CACNA1D: variants seen among roughly 807,000 people sequenced by gnomAD.
CACNA1D encodes the protein voltage-dependent L-type calcium channel subunit alpha-1D.
In CACNA1D, 55 loss-of-function variants were observed where a neutral mutation model predicts 257.1. The observed-to-expected ratio is 0.21, with a 90% confidence interval of 0.17 to 0.27. The LOEUF (loss-of-function observed/expected upper bound fraction) is 0.27, where lower values mean the gene tolerates loss of function less well. CACNA1D is among the 10% of genes least tolerant of loss of function. The pLI is 1.00. For synonymous variants in CACNA1D, 980 were observed against 1,014.9 expected (o/e 0.97, Z 0.65); for missense variants, 1,876 against 2,784.0 (o/e 0.67, Z 7.34).
At chr3:53,577,781 C>T (rs567556352) in intron 3 of CACNA1D, among the ~76,000 whole-genome samples, 42 of 152,290 alleles carry the variant, frequency 2.8e-4, no homozygotes, top group African/African-American at 9.6e-4. Context: ...GCAGAATTCC[C>T]AGTAGATGGA....
intron 3 of CACNA1D, among the ~76,000 whole-genome samples, chr3:53,510,853 G>C (rs866503478): frequency 2.0e-5 from 3 of 152,260 alleles, no homozygotes; most frequent in Middle Eastern, 3.4e-3. Context: ...TAGATTTTAG[G>C]AATCTATTTT....
chr3:53,776,743 A>G lies in CACNA1D; in HGVS notation c.4490+13A>G. The G allele has an allele frequency of 6.2e-7, 1 of 1,614,248 alleles. No homozygotes were observed. The highest frequency in any genetic ancestry group is 1.3e-5 in the African/African-American group (1 of 75,076). On this transcript the variant is annotated intron_variant, in intron 36 of 47. Transcript: ENST00000350061. Reference sequence around the variant, plus strand: ...ACCCTGAGGCAAAGTAGGTTGAAAAATATTTGATTTGGCGTGTGTGGGTGG... The same window carrying G: ...ACCCTGAGGCAAAGTAGGTTGAAAAGTATTTGATTTGGCGTGTGTGGGTGG...
intron 3 of CACNA1D, among the ~76,000 whole-genome samples, chr3:53,557,232 A>G (rs1270442478): frequency 1.3e-5 from 2 of 152,078 alleles, no homozygotes; most frequent in African/African-American, 4.8e-5. Flanking sequence ...GTGGTGGCTC[A>G]CCGCTGTAAT....
In CACNA1D at chr3:53,751,652, G is replaced by T; in HGVS notation, c.3517-97G>T. On this transcript the variant is annotated intron_variant, in intron 27 of 47. Coordinates refer to ENST00000350061, the MANE Select transcript of CACNA1D (RefSeq NM_001128840.3). The surrounding 1 kb of genome is among the most constrained non-coding windows in gnomAD (Gnocchi z 4.3). ...ACCATCGTCCACGGCCCCTTCCCGG[G>T]AGCTGTAGGGTGAGCTCTTTCAGAG... 8.1e-7 allele frequency: 1 copy of T among 1,235,900 alleles called. No homozygotes were observed. The highest frequency in any genetic ancestry group is 1.2e-6 in the Non-Finnish European group (1 of 837,476). 76.6% of individuals were successfully genotyped at this position (1,235,900 alleles called of 1,614,324 possible).
intron 38 of CACNA1D, 103 bp downstream of exon 38, chr3:53,780,231 C>T (rs2095418828): frequency 1.1e-6 from 1 of 936,206 alleles, no homozygotes. Context: ...AAGGGGAGGC[C>T]CTGGGGAAGG....
Position 53,666,312 on chromosome 3 carries a change from G to A in CACNA1D, c.920-27G>A, listed in dbSNP as rs778862863. The A allele has an allele frequency of 5.7e-5, 91 of 1,604,692 alleles. 1 individual carries two copies. In the Middle Eastern group the frequency reaches 7.9e-4, roughly 14 times the overall value. On this transcript the variant is annotated intron_variant, in intron 6 of 47. Transcript: ENST00000350061. ...ATTTCCTGATGTTTCTGTCCTGAGC[G>A]GTACAGCCTGTTTGCTCTGTTTGCA...
chr3:53,615,435 C>T (rs1442492523), intron 3 of CACNA1D, among the ~76,000 whole-genome samples: 3 of 152,196 alleles, frequency 2.0e-5, no homozygotes, highest in Non-Finnish European at 2.9e-5. Context: ...ATTAACCCAC[C>T]CTTTCCTGCC....
intron 3 of CACNA1D, among the ~76,000 whole-genome samples, chr3:53,578,018 C>G (rs2093066762): frequency 6.6e-6 from 1 of 152,054 alleles, no homozygotes; most frequent in Non-Finnish European, 1.5e-5. Context: ...GTCATTCAGT[C>G]AAAAATTACG....
intron 3 of CACNA1D, among the ~76,000 whole-genome samples, chr3:53,601,860 G>A (rs748567440): frequency 3.3e-5 from 5 of 152,056 alleles, no homozygotes; most frequent in Non-Finnish European, 5.9e-5. Flanking sequence ...ACAGGTGCCC[G>A]CTACCATGTC....
intron 8 of CACNA1D, among the ~76,000 whole-genome samples, chr3:53,695,950 T>C (rs1293977275): frequency 2.6e-5 from 4 of 152,138 alleles, no homozygotes; most frequent in Non-Finnish European, 5.9e-5. Context: ...AAGCCTGTTT[T>C]CGTTAGTTTT....
chr3:53,719,074 G>C (rs2094854078), intron 10 of CACNA1D, among the ~76,000 whole-genome samples: 1 of 152,204 alleles, frequency 6.6e-6, no homozygotes, highest in Non-Finnish European at 1.5e-5. Flanking sequence ...GGCACTGTCT[G>C]CCGTGGGGGA....
At chr3:53,746,377 A>G (rs2095169310) in intron 25 of CACNA1D, among the ~76,000 whole-genome samples, 1 of 152,154 alleles carries the variant, frequency 6.6e-6, no homozygotes, top group Non-Finnish European at 1.5e-5. Context: ...CATCTTGGCC[A>G]TATTTCCATA....
rs1398984869 is a variant in CACNA1D at position 53,801,431 on chromosome 3, C to T, written c.5408+6C>T. 2.5e-6 allele frequency: 4 copies of T among 1,613,548 alleles called. No individual in the cohort carries two copies. In the African/African-American group the frequency reaches 5.3e-5, roughly 22 times the overall value. ...AGAAGGTCCAGTGTGAAAAGGTAAC[C>T]TTGACAATGTGTTTGGACTTGCTCA... On this transcript the variant is annotated splice_donor_region_variant and intron_variant, in intron 42 of 47. Coordinates refer to ENST00000350061, the MANE Select transcript of CACNA1D (RefSeq NM_001128840.3).
At chr3:53,643,332 C>T (rs2108220491) in intron 3 of CACNA1D, among the ~76,000 whole-genome samples, 1 of 152,276 alleles carries the variant, frequency 6.6e-6, no homozygotes, top group South Asian at 2.1e-4. Context: ...CACCAGCCTC[C>T]TGTGGTTTAC....
intron 9 of CACNA1D, among the ~76,000 whole-genome samples, chr3:53,713,695 G>A (rs974298792): frequency 5.3e-5 from 8 of 152,178 alleles, no homozygotes; most frequent in African/African-American, 1.9e-4. Flanking sequence ...GGTTTACTGT[G>A]TGTGGCATTG....
chr3:53,575,215 CACAGG>C (rs2093015824), intron 3 of CACNA1D, among the ~76,000 whole-genome samples: 1 of 152,184 alleles, frequency 6.6e-6, no homozygotes. Context: ...CCGATCTGTG[CACAGG>C]AAGCTGCGGG....
chr3:53,733,739 G>A (rs1056117181), intron 19 of CACNA1D, among the ~76,000 whole-genome samples: 1 of 151,970 alleles, frequency 6.6e-6, no homozygotes, highest in Non-Finnish European at 1.5e-5. Flanking sequence ...TTGGCTGTCA[G>A]AGAACAACTC....
intron 27 of CACNA1D, among the ~76,000 whole-genome samples, chr3:53,749,747 A>G (rs1358066185): frequency 6.6e-6 from 1 of 152,232 alleles, no homozygotes; most frequent in Non-Finnish European, 1.5e-5. Flanking sequence ...GTCATGACCC[A>G]CTAGTGATGT....
intron 3 of CACNA1D, among the ~76,000 whole-genome samples, chr3:53,591,432 T>G (rs913782612): frequency 2.0e-5 from 3 of 152,114 alleles, no homozygotes. Context: ...TTTTGAATTT[T>G]TAGTAGAGAC....
Sources: allele counts gnomAD v4.1 joint callset (sites outside exome capture counted in the v4.1 genomes callset), GRCh38; gene constraint gnomAD v4.1.1; non-coding constraint Gnocchi (gnomAD v3.1); transcripts MANE v1.5; gene names NCBI Gene and HGNC (gene_info 2026-07-23, HGNC 2026-07-21).